Variants in SLC24A2 observed in about 807,000 individuals in gnomAD.
SLC24A2 encodes solute carrier family 24 member 2, also known as sodium/potassium/calcium exchanger 2.
A neutral mutation model predicts 62.0 loss-of-function variants in SLC24A2; 36 were observed. The ratio of observed to expected loss-of-function variants is 0.58; its 90% confidence interval spans 0.44 to 0.77. The LOEUF (loss-of-function observed/expected upper bound fraction) is 0.77, where lower values mean the gene tolerates loss of function less well. Ranked by LOEUF, SLC24A2 falls within the 30% of genes least tolerant of loss-of-function variation. SLC24A2 has a pLI of 0.00. For synonymous variants in SLC24A2, 358 were observed against 294.0 expected (o/e 1.22, Z -2.23); for missense variants, 846 against 817.9 (o/e 1.03, Z -0.42).
At chr9:20,130,069 C>T in the SLC24A2 span, among the ~76,000 whole-genome samples, 1 of 151,878 alleles carries the variant, frequency 6.6e-6, no homozygotes, top group Admixed American at 6.6e-5. Context: ...AAACTTAATC[C>T]TCAACCACAC....
intron 5 of SLC24A2, among the ~76,000 whole-genome samples, chr9:19,596,239 G>C (rs1183497222): frequency 4.6e-5 from 7 of 152,166 alleles, no homozygotes; most frequent in Admixed American, 4.6e-4. Flanking sequence ...AATATTAGAA[G>C]CTGAAAGCAA....
intron 7 of SLC24A2, among the ~76,000 whole-genome samples, chr9:19,572,012 A>G (rs1021502746): frequency 5.9e-5 from 9 of 152,058 alleles, no homozygotes; most frequent in Admixed American, 5.9e-4. Flanking sequence ...GCTCACGCCT[A>G]TAATCCCAGC....
chr9:19,777,031 T>C (rs1822866324), intron 2 of SLC24A2, among the ~76,000 whole-genome samples: 2 of 152,172 alleles, frequency 1.3e-5, no homozygotes, highest in African/African-American at 4.8e-5. Context: ...TTCAGAATAA[T>C]TCTCCCATTA....
At chr9:19,598,276 G>A (rs1836757948) in intron 4 of SLC24A2, among the ~76,000 whole-genome samples, 1 of 152,152 alleles carries the variant, frequency 6.6e-6, no homozygotes, top group Non-Finnish European at 1.5e-5. Flanking sequence ...TAGTTCTGTA[G>A]GATTCTGCAG....
the SLC24A2 span, among the ~76,000 whole-genome samples, chr9:19,965,366 A>G: frequency 1.3e-5 from 2 of 152,162 alleles, no homozygotes; most frequent in Non-Finnish European, 2.9e-5. Context: ...GAGAAGTCTG[A>G]GTGGGTCTTG....
At chr9:19,944,416 C>G in the SLC24A2 span, among the ~76,000 whole-genome samples, 1 of 149,484 alleles carries the variant, frequency 6.7e-6, no homozygotes, top group East Asian at 1.9e-4. Flanking sequence ...ACATATACCC[C>G]CTGAATCTAG....
Position 19,664,703 on chromosome 9 carries a change from G to A in SLC24A2, c.931-42404C>T, listed in dbSNP as rs140982914. Among the ~76,000 whole-genome samples the A allele has an allele frequency of 9.3e-4, 141 of 152,298 alleles. 1 individual carries two copies. Among genetic ancestry groups the A allele is most frequent in the African/African-American group, 3.2e-3 (131 of 41,552 alleles). ...AATGACTGGTGTCCTTATAAGGAGA[G>A]TGAGAAGAGAGATTTGACACAGAGG... On this transcript the variant is annotated intron_variant, in intron 2 of 10. Transcript: ENST00000341998.
the SLC24A2 span, among the ~76,000 whole-genome samples, chr9:19,853,440 G>A: frequency 6.6e-6 from 1 of 151,932 alleles, no homozygotes; most frequent in African/African-American, 2.4e-5. Context: ...CACTGGCTGT[G>A]GTTTTGTCAA....
At chr9:19,861,719 T>C in the SLC24A2 span, among the ~76,000 whole-genome samples, 1 of 152,090 alleles carries the variant, frequency 6.6e-6, no homozygotes, top group Non-Finnish European at 1.5e-5. Context: ...TTCTATCAGA[T>C]ACACTTAACA....
the SLC24A2 span, among the ~76,000 whole-genome samples, chr9:20,084,342 C>A: frequency 6.6e-6 from 1 of 152,130 alleles, no homozygotes; most frequent in South Asian, 2.1e-4. Flanking sequence ...ACATCTCTTC[C>A]CCACTCCAGG....
the SLC24A2 span, among the ~76,000 whole-genome samples, chr9:19,944,767 TA>T: frequency 0.79 from 120,835 of 152,070 alleles, 48,645 homozygotes; most frequent in Non-Finnish European, 0.87. Context: ...AATTGGAACT[TA>T]AGAAGCCTTT....
chr9:19,908,721 A>G, the SLC24A2 span, among the ~76,000 whole-genome samples: 23 of 152,240 alleles, frequency 1.5e-4, no homozygotes, highest in Admixed American at 5.9e-4. Context: ...GCCAAAAAAC[A>G]CATGAAAAAA....
chr9:19,587,789 C>T (rs1217883972), intron 5 of SLC24A2, among the ~76,000 whole-genome samples: 1 of 152,174 alleles, frequency 6.6e-6, no homozygotes, highest in Non-Finnish European at 1.5e-5. Flanking sequence ...AAAGAAGCAT[C>T]CACAATTTGC....
the SLC24A2 span, among the ~76,000 whole-genome samples, chr9:20,267,761 G>C: frequency 2.0e-5 from 3 of 152,174 alleles, no homozygotes; most frequent in Non-Finnish European, 4.4e-5. Context: ...AAGTTGCCAA[G>C]AGGAAACACA....
chr9:19,801,017 A>G, the SLC24A2 span, among the ~76,000 whole-genome samples: 3 of 152,220 alleles, frequency 2.0e-5, no homozygotes, highest in African/African-American at 7.2e-5. Context: ...TGTCTTGGCT[A>G]AAGTCCATAG....
chr9:19,988,724 C>T, the SLC24A2 span, among the ~76,000 whole-genome samples: 2 of 152,100 alleles, frequency 1.3e-5, no homozygotes, highest in Non-Finnish European at 2.9e-5. Flanking sequence ...GTGGAAGTAC[C>T]AATGCAGGCA....
At chr9:19,521,473 C>G (rs557171235) in intron 9 of SLC24A2, among the ~76,000 whole-genome samples, 28 of 152,352 alleles carry the variant, frequency 1.8e-4, no homozygotes, top group African/African-American at 6.5e-4. Context: ...AAACCAAGGA[C>G]TGACACCCAG....
chr9:19,661,544 C>A lies in SLC24A2; in HGVS notation c.931-39245G>T, dbSNP rs1246359158. Among the ~76,000 whole-genome samples, 4 of 152,298 alleles carry A rather than the reference C, an allele frequency of 2.6e-5. No individual in the cohort carries two copies. In the East Asian group the frequency reaches 7.7e-4, roughly 29 times the overall value. On this transcript the variant is annotated intron_variant, in intron 2 of 10. Coordinates refer to ENST00000341998, the MANE Select transcript of SLC24A2 (RefSeq NM_020344.4). The stretch of plus-strand genomic sequence containing the variant: ...TGAAAAATACAATGTTGGACCAATT[C>A]AGCTCAATATTTCTTGCTGCAGAGT...
chr9:19,670,392 A>G (rs1015706600), intron 2 of SLC24A2, among the ~76,000 whole-genome samples: 2 of 152,154 alleles, frequency 1.3e-5, no homozygotes, highest in Non-Finnish European at 2.9e-5. Context: ...ACAAAAATCA[A>G]CTCTACAAAA....
Sources: allele counts gnomAD v4.1 joint callset (sites outside exome capture counted in the v4.1 genomes callset), GRCh38; gene constraint gnomAD v4.1.1; transcripts MANE v1.5; gene names NCBI Gene and HGNC (gene_info 2026-07-23, HGNC 2026-07-21).